KLF8: variants seen among roughly 807,000 people sequenced by gnomAD.
KLF8 encodes KLF transcription factor 8.
A neutral mutation model predicts 18.2 loss-of-function variants in KLF8; 10 were observed. The observed-to-expected ratio is 0.55, with a 90% CI of 0.34 to 0.93. KLF8 has a LOEUF of 0.93. Among genes scored for constraint, KLF8 ranks in the 40% least tolerant of loss-of-function variants. The pLI, the probability that KLF8 is intolerant of heterozygous loss-of-function variation, is 0.02. For missense variants in KLF8, 264 were observed against 277.9 expected (o/e 0.95, Z 0.36); for synonymous variants, 109 against 97.3 (o/e 1.12, Z -0.71).
the KLF8 span, among the ~76,000 whole-genome samples, chrX:56,052,761 G>T: frequency 4.0e-4 from 45 of 112,060 alleles, no homozygotes; most frequent in African/African-American, 1.3e-3. Flanking sequence ...GCCTAAGGAG[G>T]CAGGCAGGCC....
At chrX:55,996,147 T>C in the KLF8 span, among the ~76,000 whole-genome samples, 1 of 111,951 alleles carries the variant, frequency 8.9e-6, no homozygotes, top group Non-Finnish European at 1.9e-5. Context: ...CTCAGCTTGG[T>C]CTATTCTGCT....
chrX:56,165,526 C>T, the KLF8 span, among the ~76,000 whole-genome samples: 1 of 111,820 alleles, frequency 8.9e-6, no homozygotes, highest in Non-Finnish European at 1.9e-5. Context: ...TTTTGGTTCA[C>T]TCAGTTGTGT....
the KLF8 span, among the ~76,000 whole-genome samples, chrX:55,915,522 C>A: frequency 8.9e-6 from 1 of 111,856 alleles, no homozygotes; most frequent in African/African-American, 3.2e-5. Flanking sequence ...ACAGATTTTG[C>A]TGACCGAGGT....
the KLF8 span, among the ~76,000 whole-genome samples, chrX:56,089,277 G>A: frequency 1.8e-5 from 2 of 111,831 alleles, no homozygotes; most frequent in African/African-American, 6.5e-5. Context: ...TATATACCAA[G>A]TAGTAAATGA....
the KLF8 span, among the ~76,000 whole-genome samples, chrX:55,985,602 A>T: frequency 9.4e-6 from 1 of 106,435 alleles, no homozygotes. Flanking sequence ...TCCTTTGGCT[A>T]TTCAGCGTCT....
At chrX:56,143,182 A>T in the KLF8 span, among the ~76,000 whole-genome samples, 3 of 111,154 alleles carry the variant, frequency 2.7e-5, no homozygotes, top group Non-Finnish European at 5.7e-5. Flanking sequence ...TGTTCCTGGA[A>T]TGTAACAGAC....
At chrX:56,183,209 C>T in the KLF8 span, among the ~76,000 whole-genome samples, 9 of 111,778 alleles carry the variant, frequency 8.1e-5, no homozygotes, top group East Asian at 2.8e-4. Context: ...CCTTGCAGTT[C>T]GATCTTGGAC....
At chrX:56,106,922 G>T in the KLF8 span, among the ~76,000 whole-genome samples, 333 of 111,932 alleles carry the variant, frequency 3.0e-3, no homozygotes, top group African/African-American at 0.01. Flanking sequence ...TTTTATTGAT[G>T]TTGATGCTAT....
the KLF8 span, among the ~76,000 whole-genome samples, chrX:56,209,820 A>G: frequency 9.0e-6 from 1 of 111,079 alleles, no homozygotes; most frequent in Non-Finnish European, 1.9e-5. Context: ...GTTTGTGGTT[A>G]CCATGAGGCT....
the KLF8 span, among the ~76,000 whole-genome samples, chrX:56,153,231 C>A: frequency 1.0e-4 from 11 of 110,545 alleles, no homozygotes; most frequent in Non-Finnish European, 2.1e-4. Context: ...CATGGAGGTG[C>A]ATGCCTATAG....
At chrX:56,081,805 T>C in the KLF8 span, among the ~76,000 whole-genome samples, 1 of 112,153 alleles carries the variant, frequency 8.9e-6, no homozygotes, top group African/African-American at 3.2e-5. Flanking sequence ...CTCAGATAAG[T>C]CTCACTTCTT....
intron 5 of KLF8, among the ~76,000 whole-genome samples, chrX:56,276,943 C>A (rs1230350210): frequency 9.0e-6 from 1 of 110,835 alleles, no homozygotes; most frequent in Admixed American, 9.6e-5. Context: ...GTTTTTTATT[C>A]TTTTGTCTCC....
chrX:56,043,167 G>T, the KLF8 span, among the ~76,000 whole-genome samples: 1 of 110,861 alleles, frequency 9.0e-6, no homozygotes, highest in Admixed American at 9.6e-5. Context: ...AGCTTGTAGG[G>T]TTTCCACTGT....
the KLF8 span, among the ~76,000 whole-genome samples, chrX:56,029,224 C>T: frequency 1.8e-5 from 2 of 110,696 alleles, no homozygotes; most frequent in South Asian, 7.8e-4. Flanking sequence ...TAGAAAAAGG[C>T]TCCATTCTTC....
the KLF8 span, among the ~76,000 whole-genome samples, chrX:56,185,882 C>A: frequency 8.9e-6 from 1 of 111,814 alleles, no homozygotes; most frequent in African/African-American, 3.2e-5. Flanking sequence ...AAGCACTAAA[C>A]ATGGAAAGGA....
chrX:56,107,221 G>C, the KLF8 span, among the ~76,000 whole-genome samples: 6 of 112,134 alleles, frequency 5.4e-5, no homozygotes, highest in Admixed American at 4.7e-4. Flanking sequence ...GAGCTCAAAC[G>C]CTTTGCTGGG....
At chrX:56,165,145 G>A in the KLF8 span, among the ~76,000 whole-genome samples, 1 of 110,153 alleles carries the variant, frequency 9.1e-6, no homozygotes, top group Non-Finnish European at 1.9e-5. Context: ...ATTCACAATA[G>A]CAAAGACTTG....
chrX:55,959,700 A>G, the KLF8 span, among the ~76,000 whole-genome samples: 3 of 111,827 alleles, frequency 2.7e-5, no homozygotes, highest in African/African-American at 9.8e-5. Context: ...GAATAAAAAA[A>G]GAATAAAAAT....
At chrX:56,098,172 G>T in the KLF8 span, among the ~76,000 whole-genome samples, 1 of 111,755 alleles carries the variant, frequency 8.9e-6, no homozygotes, top group East Asian at 2.8e-4. Flanking sequence ...TGCACATGCT[G>T]GCTCCCTTTC....
Sources: allele counts gnomAD v4.1 joint callset (sites outside exome capture counted in the v4.1 genomes callset), GRCh38; gene constraint gnomAD v4.1.1; transcripts MANE v1.5; gene names NCBI Gene and HGNC (gene_info 2026-07-23, HGNC 2026-07-21).